The following GRIP1 variants were observed in gnomAD, a reference collection of about 807,000 sequenced individuals.
The protein encoded by GRIP1 is glutamate receptor interacting protein 1.
A neutral mutation model predicts 129.9 loss-of-function variants in GRIP1; 45 were observed. The ratio of observed to expected loss-of-function variants is 0.35; its 90% CI spans 0.27 to 0.44. The LOEUF (loss-of-function observed/expected upper bound fraction) is 0.44. Ranked by LOEUF, GRIP1 falls within the 20% of genes least tolerant of loss-of-function variation. The probability of loss-of-function intolerance (pLI) is 1.00; values close to 1 mark genes in which losing one functional copy is unlikely to be tolerated. For synonymous variants in GRIP1, 530 were observed against 520.8 expected (o/e 1.02, Z -0.24); for missense variants, 1,196 against 1,396.8 (o/e 0.86, Z 2.29).
intron 7 of GRIP1, among the ~76,000 whole-genome samples, chr12:66,494,342 A>G (rs1288991545): frequency 6.6e-6 from 1 of 152,222 alleles, no homozygotes; most frequent in Non-Finnish European, 1.5e-5. Flanking sequence ...TTGAATTCAA[A>G]AATCTTACAT....
At chr12:66,803,968 T>C (rs2038928123) in intron 1 of GRIP1, 2 of 370,058 alleles carry the variant, frequency 5.4e-6, no homozygotes, top group Non-Finnish European at 1.1e-5. Context: ...AGAAACCTTT[T>C]GCATTTAAGA....
At chr12:66,478,641 A>G (rs71450897) in intron 7 of GRIP1, among the ~76,000 whole-genome samples, 1 of 152,200 alleles carries the variant, frequency 6.6e-6, no homozygotes, top group African/African-American at 2.4e-5. Flanking sequence ...ATGTCCAACA[A>G]TGATAGACTG....
rs148161545 is a variant in GRIP1, at chr12:67,063,097, T to C, written c.58+5953A>G. Among the ~76,000 whole-genome samples, 181 of 152,310 alleles carry C rather than the reference T, an allele frequency of 1.2e-3. 2 individuals carry two copies. The highest frequency in any genetic ancestry group is 5.0e-3 in the Admixed American group (76 of 15,294). ...CCTCACATGACATAGATATTTCTTGTCCTCATCTTAAAGTAGAGAAAACAA... is the reference window on the plus strand; with the variant it reads ...CCTCACATGACATAGATATTTCTTGCCCTCATCTTAAAGTAGAGAAAACAA... On this transcript the variant is annotated intron_variant, in intron 1 of 1. Coordinates refer to the GRIP1 transcript ENST00000643019.
chr12:66,482,097 T>C (rs1422598511), intron 7 of GRIP1, among the ~76,000 whole-genome samples: 1 of 152,078 alleles, frequency 6.6e-6, no homozygotes, highest in East Asian at 1.9e-4. Flanking sequence ...TAAAGTATAA[T>C]AAGAATAATA....
rs558947663 is a variant in GRIP1, at chr12:66,464,990, G to T, written c.872+285C>A. 1.2e-4 allele frequency among the ~76,000 whole-genome samples: 16 copies of T among 130,756 alleles called. No homozygotes were observed. In the East Asian group the frequency reaches 1.7e-3, roughly 14 times the overall value. The allele number at this position is 130,756 out of a possible 152,430, so 85.8% of individuals were successfully genotyped here. On this transcript the variant is annotated intron_variant, in intron 8 of 24. Coordinates refer to ENST00000359742, the MANE Select transcript of GRIP1 (RefSeq NM_001366722.1). The stretch of plus-strand genomic sequence containing the variant: ...TTTGAGATGGAGTTTCACTCTTGTT[G>T]CCCAGGCTGGAGTGCAATGGTTCAG...
intron 4 of GRIP1, among the ~76,000 whole-genome samples, chr12:66,533,741 G>A (rs2061521769): frequency 6.6e-6 from 1 of 152,016 alleles, no homozygotes; most frequent in African/African-American, 2.4e-5. Context: ...TTTAAAGTCA[G>A]AAAGAGCTTT....
intron 1 of GRIP1, among the ~76,000 whole-genome samples, chr12:66,740,092 G>A (rs1309102803): frequency 1.3e-5 from 2 of 152,174 alleles, no homozygotes; most frequent in Non-Finnish European, 2.9e-5. Flanking sequence ...GAACTAAGGA[G>A]AGCCTCAGAT....
chr12:66,582,148 C>T (rs2063411679), intron 2 of GRIP1, among the ~76,000 whole-genome samples: 1 of 151,710 alleles, frequency 6.6e-6, no homozygotes, highest in South Asian at 2.1e-4. Context: ...GAACCAAAGA[C>T]AAAAACCACA....
At chr12:67,043,508 T>G (rs554539294) in intron 1 of GRIP1, among the ~76,000 whole-genome samples, 1 of 152,230 alleles carries the variant, frequency 6.6e-6, no homozygotes, top group South Asian at 2.1e-4. Flanking sequence ...AGTCAAAGAT[T>G]TTTTCCCCAT....
chr12:66,520,214 C>A (rs543144907), intron 5 of GRIP1, among the ~76,000 whole-genome samples: 4 of 152,244 alleles, frequency 2.6e-5, no homozygotes, highest in African/African-American at 7.2e-5. Context: ...CCCATCTATG[C>A]CAAAATATCT....
chr12:66,604,580 G>A (rs75268369), intron 1 of GRIP1, among the ~76,000 whole-genome samples: 1 of 67,476 alleles, frequency 1.5e-5, no homozygotes, highest in Non-Finnish European at 3.8e-5. Flanking sequence ...TTTTTTCTTT[G>A]TGAGAGGGCT....
chr12:67,021,383 G>C (rs1040497437), intron 1 of GRIP1, among the ~76,000 whole-genome samples: 1 of 152,104 alleles, frequency 6.6e-6, no homozygotes, highest in African/African-American at 2.4e-5. Flanking sequence ...CATTCTTTTT[G>C]AGGAGGTCAA....
Position 66,366,665 on chromosome 12 carries a change from G to A in GRIP1, c.3012+5029C>T, listed in dbSNP as rs557429778. 2.0e-5 allele frequency among the ~76,000 whole-genome samples: 3 copies of A among 152,286 alleles called. 1 individual carries two copies. The South Asian group carries it at 6.2e-4, about 32-fold the overall frequency. On this transcript the variant is annotated intron_variant, in intron 23 of 24. Transcript: ENST00000359742. ...CATGAATGACAAAGCAAAAGGAAAT[G>A]TCAATATGATTTTTGTTTTTGTTTT...
At chr12:66,668,242 T>TACTTTCTGAG (rs2033898866) in intron 1 of GRIP1, among the ~76,000 whole-genome samples, 1 of 152,242 alleles carries the variant, frequency 6.6e-6, no homozygotes, top group Non-Finnish European at 1.5e-5. Flanking sequence ...TTTACTCTGA[T>TACTTTCTGAG]ACTTTCTGAG....
rs180721135 is a variant in GRIP1, at chr12:66,622,674, T to C, written c.56-25747A>G. 1.8e-4 allele frequency among the ~76,000 whole-genome samples: 27 copies of C among 152,286 alleles called. No individual in the cohort carries two copies. The Middle Eastern group carries it at 0.01, about 58-fold the overall frequency. ...ACAACATGGCACATGGTTTTCTCTGTTACCTGGTCCCTGCCTACTTTTTTA... is the reference window on the plus strand; with the variant it reads ...ACAACATGGCACATGGTTTTCTCTGCTACCTGGTCCCTGCCTACTTTTTTA... On this transcript the variant is annotated intron_variant, in intron 1 of 24. Transcript: ENST00000359742.
intron 1 of GRIP1, among the ~76,000 whole-genome samples, chr12:66,875,945 G>C (rs2040375081): frequency 1.3e-5 from 2 of 151,826 alleles, no homozygotes; most frequent in South Asian, 4.1e-4. Flanking sequence ...CAAAAATAGT[G>C]GTACAATTAA....
At chr12:66,815,834 TTC>T (rs1325668450) in intron 1 of GRIP1, among the ~76,000 whole-genome samples, 14 of 35,364 alleles carry the variant, frequency 4.0e-4, no homozygotes, top group African/African-American at 7.4e-4. Context: ...CTTTCTTTCT[TTC>T]TTTCTTTCTT....
chr12:66,731,492 G>A (rs2036436002), intron 1 of GRIP1, among the ~76,000 whole-genome samples: 1 of 152,158 alleles, frequency 6.6e-6, no homozygotes. Context: ...GTTGTCCAAT[G>A]AGACCTGTTT....
At chr12:66,610,121 CA>C (rs764330229) in intron 1 of GRIP1, among the ~76,000 whole-genome samples, 3 of 152,000 alleles carry the variant, frequency 2.0e-5, no homozygotes, top group Non-Finnish European at 4.4e-5. Context: ...ATACGCAAAT[CA>C]GTCAGAATTT....
Sources: allele counts gnomAD v4.1 joint callset (sites outside exome capture counted in the v4.1 genomes callset), GRCh38; gene constraint gnomAD v4.1.1; transcripts MANE v1.5; gene names NCBI Gene and HGNC (gene_info 2026-07-23, HGNC 2026-07-21).